The following RIT2 variants were observed in gnomAD, a reference collection of about 807,000 sequenced individuals.
The protein encoded by RIT2 is Ras like without CAAX 2.
RIT2 carries 24 observed loss-of-function variants against 23.7 expected under a neutral mutation model. The ratio of observed to expected loss-of-function variants is 1.01; its 90% CI spans 0.73 to 1.43. RIT2 has a LOEUF of 1.43. RIT2 is among the 40% of genes most tolerant of loss of function. The probability of loss-of-function intolerance (pLI) is 0.00; values close to 1 mark genes in which losing one functional copy is unlikely to be tolerated. For missense variants in RIT2, 236 were observed against 266.9 expected (o/e 0.88, Z 0.81); for synonymous variants, 107 against 91.1 (o/e 1.17, Z -0.99).
At chr18:42,908,041 A>C (rs1181599656) in intron 4 of RIT2, among the ~76,000 whole-genome samples, 1 of 152,080 alleles carries the variant, frequency 6.6e-6, no homozygotes, top group Admixed American at 6.6e-5. Flanking sequence ...CAAATTTAAA[A>C]GACATGGAAA....
intron 2 of RIT2, among the ~76,000 whole-genome samples, chr18:43,030,779 G>A (rs1193397100): frequency 6.6e-6 from 1 of 152,076 alleles, no homozygotes; most frequent in Non-Finnish European, 1.5e-5. Flanking sequence ...AATTATTCAT[G>A]GGTTTCTGGT....
intron 3 of RIT2, among the ~76,000 whole-genome samples, chr18:42,953,980 A>T (rs1909912961): frequency 6.6e-6 from 1 of 152,136 alleles, no homozygotes; most frequent in African/African-American, 2.4e-5. Flanking sequence ...TATCTCTGCA[A>T]ATTGTAGGGT....
chr18:43,027,837 C>T (rs1911768554), intron 2 of RIT2, among the ~76,000 whole-genome samples: 1 of 152,012 alleles, frequency 6.6e-6, no homozygotes, highest in African/African-American at 2.4e-5. Flanking sequence ...TTGGGTGGTG[C>T]TTAGCTTACC....
chr18:42,935,364 C>CTACACA (rs762490360), intron 3 of RIT2, among the ~76,000 whole-genome samples: 1 of 152,080 alleles, frequency 6.6e-6, no homozygotes, highest in Non-Finnish European at 1.5e-5. Flanking sequence ...AAGGGAATCC[C>CTACACA]CTATATCACT....
intron 4 of RIT2, among the ~76,000 whole-genome samples, chr18:42,902,504 T>C (rs1280257947): frequency 6.6e-6 from 1 of 151,622 alleles, no homozygotes; most frequent in African/African-American, 2.4e-5. Context: ...TTGTGTACTT[T>C]ATAATTTACA....
chr18:43,028,152 T>C (rs777022184), intron 2 of RIT2, among the ~76,000 whole-genome samples: 3 of 152,026 alleles, frequency 2.0e-5, no homozygotes, highest in Non-Finnish European at 4.4e-5. Context: ...ATATAGGAAA[T>C]GCACCTGTAT....
In RIT2 at chr18:43,094,114, G is replaced by GTT. The variant is rs796958736; in HGVS notation, c.103+21301_103+21302dup. Among the ~76,000 whole-genome samples, 579 of 63,118 alleles carry GTT rather than the reference G, an allele frequency of 9.2e-3. 3 individuals carry two copies. Among genetic ancestry groups the GTT allele is most frequent in the Non-Finnish European group, 0.015 (406 of 26,248 alleles). The allele number at this position is 63,118 out of a possible 152,430, so 41.4% of individuals were successfully genotyped here. A position where few individuals can be genotyped will look rare whatever the true frequency, so the allele number is the denominator to read the frequency against. ...AACATTTCAAAATTGGTATTAGTGG[G>GTT]TTTTTTTTGTTTTTTTTTTTTTTTT... On this transcript the variant is annotated intron_variant, in intron 1 of 4. Coordinates refer to ENST00000326695, the MANE Select transcript of RIT2 (RefSeq NM_002930.4).
chr18:43,099,957 A>G (rs1913644504), intron 1 of RIT2, among the ~76,000 whole-genome samples: 1 of 152,132 alleles, frequency 6.6e-6, no homozygotes, highest in Non-Finnish European at 1.5e-5. Context: ...TACTTTAGAG[A>G]TAAATACATT....
chr18:42,758,606 C>T (rs953349238), intron 4 of RIT2, among the ~76,000 whole-genome samples: 7 of 151,802 alleles, frequency 4.6e-5, no homozygotes, highest in Non-Finnish European at 8.8e-5. Flanking sequence ...CTCTGCCTCC[C>T]GGGTTCAGGC....
intron 4 of RIT2, among the ~76,000 whole-genome samples, chr18:42,837,153 C>CTTTTTT (rs570701535): frequency 0.018 from 924 of 51,780 alleles, 83 homozygotes; most frequent in Non-Finnish European, 0.02. Flanking sequence ...TTTTCTTTTT[C>CTTTTTT]TTTTTTTTTT....
chr18:42,846,313 G>GA (rs557113832), intron 4 of RIT2, among the ~76,000 whole-genome samples: 60 of 151,142 alleles, frequency 4.0e-4, no homozygotes, highest in South Asian at 8.3e-4. Context: ...CACATACAAA[G>GA]AAAAAAATCA....
At chr18:42,996,339 C>T (rs539612878) in intron 2 of RIT2, among the ~76,000 whole-genome samples, 101 of 152,034 alleles carry the variant, frequency 6.6e-4, no homozygotes, top group African/African-American at 2.0e-3. Context: ...AAATTTTCGC[C>T]GTCCCAACAC....
chr18:42,908,136 G>GA (rs546608108), intron 4 of RIT2, among the ~76,000 whole-genome samples: 15 of 140,164 alleles, frequency 1.1e-4, no homozygotes, highest in South Asian at 2.3e-4. Context: ...ACCAAACAAA[G>GA]AAAAAAAAAA....
chr18:42,911,585 T>A (rs553071517), intron 4 of RIT2, among the ~76,000 whole-genome samples: 129 of 152,162 alleles, frequency 8.5e-4, no homozygotes, highest in Admixed American at 1.9e-3. Context: ...TACAACATTA[T>A]GTTATGTGCC....
At chr18:42,800,870 C>G (rs566081052) in intron 4 of RIT2, among the ~76,000 whole-genome samples, 1 of 152,164 alleles carries the variant, frequency 6.6e-6, no homozygotes, top group South Asian at 2.1e-4. Context: ...TATGTTTTCC[C>G]GTTAGTTTCC....
chr18:42,946,359 T>C (rs1028590110), intron 3 of RIT2, among the ~76,000 whole-genome samples: 1 of 152,030 alleles, frequency 6.6e-6, no homozygotes, highest in Non-Finnish European at 1.5e-5. Flanking sequence ...TTTTTCTACA[T>C]CTCTCCTTTG....
chr18:43,099,587 G>T (rs12455808), intron 1 of RIT2, among the ~76,000 whole-genome samples: 20,291 of 151,890 alleles, frequency 0.13, 1,609 homozygotes, highest in Non-Finnish European at 0.18. Flanking sequence ...TTCCCCTACA[G>T]CATAGGTTCT....
intron 4 of RIT2, among the ~76,000 whole-genome samples, chr18:42,840,727 T>A (rs1433824365): frequency 1.3e-5 from 2 of 152,176 alleles, no homozygotes; most frequent in Admixed American, 6.5e-5. Flanking sequence ...TCTCGAACTT[T>A]CAACCTCAGG....
chr18:42,949,981 T>C (rs1909812130), intron 3 of RIT2, among the ~76,000 whole-genome samples: 1 of 152,100 alleles, frequency 6.6e-6, no homozygotes, highest in African/African-American at 2.4e-5. Flanking sequence ...AGATTTGACT[T>C]TGTGAAAATT....
Sources: allele counts gnomAD v4.1 joint callset (sites outside exome capture counted in the v4.1 genomes callset), GRCh38; gene constraint gnomAD v4.1.1; transcripts MANE v1.5; gene names NCBI Gene and HGNC (gene_info 2026-07-23, HGNC 2026-07-21).